Variants in OLFML2A observed in about 807,000 individuals in gnomAD.
The protein encoded by OLFML2A is olfactomedin-like protein 2A.
A neutral mutation model predicts 60.9 loss-of-function variants in OLFML2A; 47 were observed. That is an observed-to-expected ratio of 0.77 (90% CI 0.61 to 0.98). The LOEUF (loss-of-function observed/expected upper bound fraction) is 0.98, where lower values mean the gene tolerates loss of function less well. Among genes scored for constraint, OLFML2A ranks in the 50% least tolerant of loss-of-function variants. OLFML2A has a pLI of 0.00. For synonymous variants in OLFML2A, 372 were observed against 375.0 expected (o/e 0.99, Z 0.09); for missense variants, 922 against 879.8 (o/e 1.05, Z -0.61).
intron 2 of OLFML2A, among the ~76,000 whole-genome samples, chr9:124,787,591 G>A (rs1015134137): frequency 9.1e-5 from 9 of 98,462 alleles, no homozygotes; most frequent in Non-Finnish European, 1.7e-4. Context: ...ACAGAGTCTC[G>A]CTCTGTCACC....
chr9:124,789,172 C>G (rs1328386370), intron 2 of OLFML2A, among the ~76,000 whole-genome samples: 2 of 152,196 alleles, frequency 1.3e-5, no homozygotes, highest in Non-Finnish European at 2.9e-5. Context: ...TCAGACAATC[C>G]TCTCACCTTA....
intron 2 of OLFML2A, among the ~76,000 whole-genome samples, chr9:124,793,166 A>G (rs1841600245): frequency 6.6e-6 from 1 of 152,240 alleles, no homozygotes; most frequent in Non-Finnish European, 1.5e-5. Flanking sequence ...CGGAGGGCTC[A>G]GGGTGGGGCT....
chr9:124,794,544 G>A (rs1841628809), intron 2 of OLFML2A, among the ~76,000 whole-genome samples: 1 of 152,056 alleles, frequency 6.6e-6, no homozygotes, highest in East Asian at 1.9e-4. Context: ...TAGCAGGCTG[G>A]GGCTGGTGAG....
intron 5 of OLFML2A, among the ~76,000 whole-genome samples, chr9:124,802,690 G>A (rs1841800742): frequency 6.6e-6 from 1 of 152,202 alleles, no homozygotes; most frequent in African/African-American, 2.4e-5. Context: ...CCTCCCTGTG[G>A]TCCTCCTCGA....
intron 2 of OLFML2A, among the ~76,000 whole-genome samples, chr9:124,794,304 G>A (rs116344221): frequency 0.011 from 1,695 of 152,300 alleles, 29 homozygotes; most frequent in African/African-American, 0.039. Flanking sequence ...CTTTGGGGGC[G>A]AAGCAACTCT....
At chr9:124,788,052 G>A (rs1841509434) in intron 2 of OLFML2A, among the ~76,000 whole-genome samples, 1 of 151,950 alleles carries the variant, frequency 6.6e-6, no homozygotes, top group Non-Finnish European at 1.5e-5. Flanking sequence ...TGTAATCTCA[G>A]CACTTTGGGA....
At chr9:124,807,294 CT>C (rs56823893) in intron 6 of OLFML2A, among the ~76,000 whole-genome samples, 36 of 136,064 alleles carry the variant, frequency 2.6e-4, no homozygotes, top group Non-Finnish European at 3.1e-4. Context: ...TCTCCATTCT[CT>C]TTTTTTTTTT....
chr9:124,801,560 C>G lies in OLFML2A; in HGVS notation c.816C>G (p.Leu272=). 1 of 1,614,100 alleles carries G rather than the reference C, an allele frequency of 6.2e-7. No homozygotes were observed. The highest frequency in any genetic ancestry group is 1.1e-5 in the South Asian group (1 of 91,084). Residue 272 remains leucine (L), a synonymous_variant, in exon 5 of 8, where the codon CTC becomes CTG. Transcript: ENST00000373580. Reference sequence around the variant, plus strand: ...AGGAGAGCGGCAAGGGCAGTTTCCTCCAGCCCACAGCCAAGCCCCGCGCCC... The same window carrying G: ...AGGAGAGCGGCAAGGGCAGTTTCCTGCAGCCCACAGCCAAGCCCCGCGCCC... ...LRKESGKGSF[L]QPTAKPRALA... is the part of the protein sequence containing the mutation.
chr9:124,789,661 G>T (rs780917472), intron 2 of OLFML2A, among the ~76,000 whole-genome samples: 1 of 152,222 alleles, frequency 6.6e-6, no homozygotes, highest in Non-Finnish European at 1.5e-5. Flanking sequence ...GCCTCTGCAC[G>T]CAAGTCATGC....
At chr9:124,793,222 G>A (rs1841601577) in intron 2 of OLFML2A, among the ~76,000 whole-genome samples, 1 of 152,234 alleles carries the variant, frequency 6.6e-6, no homozygotes, top group African/African-American at 2.4e-5. Flanking sequence ...AAGAAGCCAG[G>A]GAAGGCTGGT....
chr9:124,801,527 G>A lies in OLFML2A; in HGVS notation c.783G>A (p.Lys261=), dbSNP rs1193923241. The A allele has an allele frequency of 6.2e-7, 1 of 1,614,176 alleles. No homozygotes were observed. Among genetic ancestry groups the A allele is most frequent in the Non-Finnish European group, 8.5e-7 (1 of 1,180,042 alleles). The change falls in exon 5 of 8, where the codon AAG becomes AAA. Residue 261 remains lysine (K), a synonymous_variant. Coordinates refer to ENST00000373580, the MANE Select transcript of OLFML2A (RefSeq NM_182487.4). ...PPKEKLLQVE[K]LRKESGKGSF... ...AGGAGAAGCTGCTTCAGGTGGAGAA[G>A]CTGAGAAAGGAGAGCGGCAAGGGCA...
At chr9:124,789,087 G>C (rs114073529) in intron 2 of OLFML2A, among the ~76,000 whole-genome samples, 1,593 of 152,144 alleles carry the variant, frequency 0.01, 29 homozygotes, top group African/African-American at 0.037. Flanking sequence ...ACACCCCCAG[G>C]CTCAGCTAAT....
At chr9:124,795,194 C>A in intron 3 of OLFML2A, 63 bp downstream of exon 3, 2 of 1,030,360 alleles carry the variant, frequency 1.9e-6, no homozygotes, top group Non-Finnish European at 1.5e-6. Flanking sequence ...GGGCACTGTC[C>A]GAAGGGGCCC....
chr9:124,797,243 G>A (rs1025574920), intron 3 of OLFML2A, among the ~76,000 whole-genome samples: 3 of 152,172 alleles, frequency 2.0e-5, no homozygotes, highest in Non-Finnish European at 2.9e-5. Flanking sequence ...GGCCTCCCAA[G>A]GTGCTGGGAT....
chr9:124,804,934 A>T lies in OLFML2A; in HGVS notation c.1168+592A>T, dbSNP rs7875388. 1.3e-5 allele frequency among the ~76,000 whole-genome samples: 2 copies of T among 151,740 alleles called. 1 individual carries two copies. Among genetic ancestry groups the T allele is most frequent in the Non-Finnish European group, 2.9e-5 (2 of 67,954 alleles). On this transcript the variant is annotated intron_variant, in intron 6 of 7. Coordinates refer to ENST00000373580, the MANE Select transcript of OLFML2A (RefSeq NM_182487.4). The stretch of plus-strand genomic sequence containing the variant: ...ACCAGGCTGGTCTCTAACTCCTGAC[A>T]TCAGGTGATCCTCCCATCTCAGCCT...
At chr9:124,784,852 T>C (rs1366568460) in intron 1 of OLFML2A, among the ~76,000 whole-genome samples, 1 of 151,910 alleles carries the variant, frequency 6.6e-6, no homozygotes, top group East Asian at 1.9e-4. Flanking sequence ...ATATCATATG[T>C]GGCCTTTTGT....
Position 124,801,593 on chromosome 9 carries a change from G to A in OLFML2A, c.849G>A (p.Gln283=). The A allele has an allele frequency of 1.2e-6, 2 of 1,613,992 alleles. No homozygotes were observed. Among genetic ancestry groups the A allele is most frequent in the East Asian group, 4.5e-5 (2 of 44,878 alleles). The change falls in exon 5 of 8, where the codon CAG becomes CAA. Residue 283 remains glutamine (Q), a synonymous_variant. Coordinates refer to ENST00000373580, the MANE Select transcript of OLFML2A (RefSeq NM_182487.4). The stretch of plus-strand genomic sequence containing the variant: ...CAGCCAAGCCCCGCGCCCTGGCCCA[G>A]CAGCAGGCTGTGATCCGGGGCTTCA... ...QPTAKPRALA[Q]QQAVIRGFTY...
intron 2 of OLFML2A, among the ~76,000 whole-genome samples, chr9:124,787,518 G>A (rs1841498132): frequency 1.2e-5 from 1 of 80,846 alleles, no homozygotes; most frequent in Admixed American, 1.4e-4. Context: ...GTGGCAGTGG[G>A]TTGTTTTTAT....
In OLFML2A at chr9:124,799,463, C is replaced by T. The variant is rs767506545; in HGVS notation, c.641C>T (p.Pro214Leu). Residue 214 changes from proline (P) to leucine (L), a missense_variant, in exon 4 of 8, where the codon CCT becomes CTT. Transcript: ENST00000373580. ...GATGCCGCCGCCGCCCCTGCCACCCCTGCCACGGGCACTGGTAGCAAGGCC... is the reference window on the plus strand; with the variant it reads ...GATGCCGCCGCCGCCCCTGCCACCCTTGCCACGGGCACTGGTAGCAAGGCC... ...QKDAAAAPAT[P>L]ATGTGSKAQD... is the part of the protein sequence containing the mutation. The T allele has an allele frequency of 5.0e-6, 8 of 1,605,098 alleles. No individual in the cohort carries two copies. In the South Asian group the frequency reaches 8.9e-5, roughly 18 times the overall value.
Sources: gnomAD v4.1 joint callset for allele counts (sites outside exome capture counted in the v4.1 genomes callset) on GRCh38, gnomAD v4.1.1 for gene constraint, MANE v1.5 for transcripts, NCBI Gene and HGNC (gene_info 2026-07-23, HGNC 2026-07-21) for gene names.